TG: variants seen among roughly 807,000 people sequenced by gnomAD.
TG encodes thyroglobulin, also known as thyroid hormones.
A neutral mutation model predicts 324.7 loss-of-function variants in TG; 270 were observed. The observed-to-expected ratio is 0.83, with a 90% CI of 0.75 to 0.92. TG has a LOEUF of 0.92. TG is among the 40% of genes least tolerant of loss of function. TG has a pLI of 0.00. For missense variants in TG, 3,591 were observed against 3,456.4 expected, an observed-to-expected ratio of 1.04 and a Z score of -0.98; for synonymous variants, 1,401 against 1,327.0, an observed-to-expected ratio of 1.06 and a Z score of -1.21.
intron 41 of TG, chr8:133,073,267 G>A (rs1015883149): frequency 2.0e-5 from 3 of 151,962 alleles, no homozygotes; most frequent in African/African-American, 7.3e-5. Flanking sequence ...TTAAGATGAA[G>A]GAATCTAATT....
chr8:133,060,506 G>A (rs906959500), intron 41 of TG: 1 of 719,958 alleles, frequency 1.4e-6, no homozygotes, highest in Non-Finnish European at 2.1e-6. Context: ...GGGTTTGTGT[G>A]AGAAACCAAG....
intron 11 of TG, among the ~76,000 whole-genome samples, chr8:132,895,272 C>T (rs1287176488): frequency 6.6e-6 from 1 of 152,228 alleles, no homozygotes; most frequent in Admixed American, 6.5e-5. Context: ...GCAAGACAGT[C>T]CTCCCCTGAC....
chr8:133,007,771 CTTT>C (rs75045660), intron 35 of TG, among the ~76,000 whole-genome samples: 5 of 128,896 alleles, frequency 3.9e-5, no homozygotes, highest in Admixed American at 1.6e-4. Flanking sequence ...TAATTTAGTT[CTTT>C]TTTTTTTTTT....
intron 21 of TG, among the ~76,000 whole-genome samples, chr8:132,923,117 G>A (rs548655315): frequency 1.3e-5 from 2 of 152,328 alleles, no homozygotes; most frequent in South Asian, 2.1e-4. Flanking sequence ...AGCAGGTGGT[G>A]TGTGAAGCAT....
At chr8:133,107,541 T>C (rs1032424665) in intron 43 of TG, among the ~76,000 whole-genome samples, 18 of 152,340 alleles carry the variant, frequency 1.2e-4, no homozygotes, top group African/African-American at 4.3e-4. Flanking sequence ...CTAATTAAAC[T>C]GGCAATGGCA....
At chr8:132,885,246 T>A (rs1815238296) in intron 8 of TG, among the ~76,000 whole-genome samples, 1 of 152,096 alleles carries the variant, frequency 6.6e-6, no homozygotes, top group South Asian at 2.1e-4. Flanking sequence ...ATTTTACATT[T>A]TTTCTCTCTT....
intron 16 of TG, 44 bp from the exon 17 acceptor site, chr8:132,906,644 A>C: frequency 8.1e-6 from 13 of 1,606,770 alleles, no homozygotes; most frequent in Non-Finnish European, 1.1e-5. Flanking sequence ...AGTCGTCCCG[A>C]GGCTGGGCAG....
At chr8:133,039,843 G>C (rs878916895) in intron 41 of TG, among the ~76,000 whole-genome samples, 13 of 152,116 alleles carry the variant, frequency 8.5e-5, no homozygotes, top group Non-Finnish European at 1.5e-4. Context: ...CTACACTTGT[G>C]GGGGGTGCTC....
At chr8:132,879,314 C>T (rs1397530200) in intron 5 of TG, among the ~76,000 whole-genome samples, 1 of 152,176 alleles carries the variant, frequency 6.6e-6, no homozygotes, top group Admixed American at 6.5e-5. Flanking sequence ...CCTTTGGCCA[C>T]CTGCTGTTGT....
chr8:133,004,823 G>A (rs1833882224), intron 35 of TG, among the ~76,000 whole-genome samples: 1 of 152,180 alleles, frequency 6.6e-6, no homozygotes, highest in African/African-American at 2.4e-5. Context: ...CCCAGCACCA[G>A]CATGAGAATG....
rs368659212 is a variant in TG at position 132,868,167 on chromosome 8, G to A, written c.120G>A (p.Thr40=). The change falls in exon 2 of 48, where the codon ACG becomes ACA. Residue 40 remains threonine, a synonymous_variant. Coordinates refer to ENST00000220616, the MANE Select transcript of TG (RefSeq NM_003235.5). ...GTCCCTGTGAGCTGCAGAGGGAAAC[G>A]GCCTTTCTGAAGCAAGCAGACTACG... ...PLRPCELQRE[T]AFLKQADYVP... 2.9e-5 allele frequency: 47 copies of A among 1,614,006 alleles called. No individual in the cohort carries two copies. The highest frequency in any genetic ancestry group is 1.6e-4 in the Middle Eastern group (1 of 6,084).
At chr8:133,114,622 C>T (rs986276329) in intron 44 of TG, among the ~76,000 whole-genome samples, 7 of 152,158 alleles carry the variant, frequency 4.6e-5, no homozygotes, top group Non-Finnish European at 5.9e-5. Context: ...TCACAGGTGA[C>T]GCATCTTGGT....
intron 35 of TG, among the ~76,000 whole-genome samples, chr8:133,005,793 C>T (rs1317808072): frequency 6.6e-6 from 1 of 152,148 alleles, no homozygotes; most frequent in East Asian, 1.9e-4. Flanking sequence ...CTCTAACCAG[C>T]GTTGGCTCCC....
At chr8:133,047,711 C>T (rs145919134) in intron 41 of TG, 2 of 729,676 alleles carry the variant, frequency 2.7e-6, no homozygotes, top group African/African-American at 1.7e-5. Flanking sequence ...AGCTTAACTA[C>T]ATTGGATCAA....
chr8:132,940,311 C>G (rs965386498), intron 25 of TG, among the ~76,000 whole-genome samples: 1 of 152,134 alleles, frequency 6.6e-6, no homozygotes, highest in African/African-American at 2.4e-5. Context: ...GACTTTTCCT[C>G]AAATGGAAAA....
chr8:133,092,585 A>G (rs1847736529), intron 41 of TG, among the ~76,000 whole-genome samples: 1 of 152,164 alleles, frequency 6.6e-6, no homozygotes, highest in Non-Finnish European at 1.5e-5. Flanking sequence ...ACCTGGCCTC[A>G]TGCATCTTTG....
At position 132,894,817 on chromosome 8, in the gene TG, T is replaced by G. The variant is rs115250077; in HGVS notation, c.3001+888T>G. ...CAGGCACTTACTGTGCTAAGTAGAT[T>G]ATCAGATCTTCACATTTAATCCTCT... is the stretch of plus-strand genomic sequence containing the variant. On this transcript the variant is annotated intron_variant, in intron 11 of 47. Coordinates refer to ENST00000220616, the MANE Select transcript of TG (RefSeq NM_003235.5). 4.2e-3 allele frequency among the ~76,000 whole-genome samples: 634 copies of G among 152,324 alleles called. 6 individuals are homozygous for G. Among genetic ancestry groups the G allele is most frequent in the African/African-American group, 0.015 (610 of 41,566 alleles).
chr8:133,020,049 A>G (rs1184357200), intron 39 of TG, among the ~76,000 whole-genome samples: 3 of 152,236 alleles, frequency 2.0e-5, no homozygotes, highest in Non-Finnish European at 4.4e-5. Context: ...CGATTAGTCA[A>G]TCAATTGATT....
chr8:133,112,755 C>G (rs1047566150), intron 43 of TG, among the ~76,000 whole-genome samples: 2 of 152,064 alleles, frequency 1.3e-5, no homozygotes, highest in African/African-American at 4.8e-5. Flanking sequence ...CATTCCATAT[C>G]CTTCGTATAT....
Sources: gnomAD v4.1 joint callset for allele counts (sites outside exome capture counted in the v4.1 genomes callset) on GRCh38, gnomAD v4.1.1 for gene constraint, MANE v1.5 for transcripts, NCBI Gene and HGNC (gene_info 2026-07-23, HGNC 2026-07-21) for gene names.